RIOK3: variants seen among roughly 807,000 people sequenced by gnomAD.
RIOK3 encodes the protein RIO kinase 3.
A neutral mutation model predicts 63.5 loss-of-function variants in RIOK3; 40 were observed. The observed-to-expected ratio is 0.63, with a 90% confidence interval of 0.49 to 0.82. The LOEUF is 0.82. Ranked by LOEUF, RIOK3 falls within the 40% of genes least tolerant of loss-of-function variation. The pLI, the probability that RIOK3 is intolerant of heterozygous loss-of-function variation, is 0.00. For missense variants in RIOK3, 557 were observed against 637.0 expected (o/e 0.87, Z 1.35); for synonymous variants, 193 against 205.0 (o/e 0.94, Z 0.50).
Position 23,464,512 on chromosome 18 carries a change from C to A in RIOK3, c.434-7C>A. 6.4e-7 allele frequency: 1 copy of A among 1,572,618 alleles called. No individual in the cohort carries two copies. Among genetic ancestry groups the A allele is most frequent in the Non-Finnish European group, 8.6e-7 (1 of 1,156,258 alleles). ...TTATATACCTGGCTTATTTCAATTGCCTTTAGCAAAACCGGTTCCCACTCC... is the reference window on the plus strand; with the variant it reads ...TTATATACCTGGCTTATTTCAATTGACTTTAGCAAAACCGGTTCCCACTCC... On this transcript the variant is annotated splice_region_variant and splice_polypyrimidine_tract_variant and intron_variant, in intron 4 of 12. Transcript: ENST00000339486.
chr18:23,461,941 T>G (rs2057374134), intron 1 of RIOK3, among the ~76,000 whole-genome samples: 1 of 151,158 alleles, frequency 6.6e-6, no homozygotes, highest in Non-Finnish European at 1.5e-5. Context: ...AATACAAAAA[T>G]TAGCTGGGCA....
rs1189672163 is a variant in RIOK3 at position 23,481,822 on chromosome 18, T to A, written c.*543T>A. 6.6e-6 allele frequency: 1 copy of A among 152,250 alleles called. No individual in the cohort carries two copies. Among genetic ancestry groups the A allele is most frequent in the African/African-American group, 2.4e-5 (1 of 41,452 alleles). The allele number at this position is 152,250 out of a possible 1,614,324, so 9.4% of individuals were successfully genotyped here. ...AATGGAAATTTGGTTTCAGAATGGC[T>A]GACAGAAATCGACATAAGTCATGTA... On this transcript the variant is annotated 3_prime_UTR_variant, in exon 13 of 13. Coordinates refer to ENST00000339486, the MANE Select transcript of RIOK3 (RefSeq NM_003831.5).
intron 11 of RIOK3, among the ~76,000 whole-genome samples, chr18:23,477,607 T>C (rs1199944532): frequency 6.7e-6 from 1 of 149,892 alleles, no homozygotes; most frequent in African/African-American, 2.5e-5. Flanking sequence ...CTACTAAAAA[T>C]GCAAAATTAG....
rs1447718169 is a variant in RIOK3 at position 23,464,551 on chromosome 18, A to G, written c.466A>G (p.Ile156Val). Residue 156 changes from isoleucine (I) to valine (V), a missense_variant, in exon 5 of 13, where the codon ATT becomes GTT. By Grantham distance (29) the Ile-to-Val change is conservative. Around this residue, in one of 3 missense-constraint regions of RIOK3, gnomAD observed 243 missense variants for 275.4 expected, o/e 0.88. Coordinates refer to ENST00000339486, the MANE Select transcript of RIOK3 (RefSeq NM_003831.5). Reference sequence around the variant, plus strand: ...GGTTCCCACTCCTAAAAAGGGCTTTATTGGAAAAGGAAAAGATATCACCAC... The same window carrying G: ...GGTTCCCACTCCTAAAAAGGGCTTTGTTGGAAAAGGAAAAGATATCACCAC... ...KPVPTPKKGF[I>V]GKGKDITTKH... 2 of 1,607,168 alleles carry G rather than the reference A, an allele frequency of 1.2e-6. No homozygotes were observed. Among genetic ancestry groups the G allele is most frequent in the Non-Finnish European group, 1.7e-6 (2 of 1,178,194 alleles).
At chr18:23,471,999 A>C (rs1346596872) in intron 7 of RIOK3, among the ~76,000 whole-genome samples, 1 of 152,060 alleles carries the variant, frequency 6.6e-6, no homozygotes, top group Non-Finnish European at 1.5e-5. Context: ...TTTGGAGGCC[A>C]AGATGGGTGG....
In RIOK3 at chr18:23,468,105, T is replaced by C. The variant is rs549206084; in HGVS notation, c.815+579T>C. ...CCTCATCTTTATCAGTGTTTAGTATTATCAAATCTAATGCTTTTTGTCAGT... is the reference window on the plus strand; with the variant it reads ...CCTCATCTTTATCAGTGTTTAGTATCATCAAATCTAATGCTTTTTGTCAGT... On this transcript the variant is annotated intron_variant, in intron 7 of 12. Coordinates refer to ENST00000339486, the MANE Select transcript of RIOK3 (RefSeq NM_003831.5). Among the ~76,000 whole-genome samples the C allele has an allele frequency of 2.6e-5, 4 of 152,050 alleles. No individual in the cohort carries two copies. In the East Asian group the frequency reaches 7.8e-4, roughly 30 times the overall value.
At chr18:23,464,361 A>G (rs368971791) in intron 4 of RIOK3, 48 bp downstream of exon 4, 1 of 1,343,716 alleles carries the variant, frequency 7.4e-7, no homozygotes, top group Non-Finnish European at 1.0e-6. Context: ...AGGTATAGGA[A>G]GACTAATCTT....
At chr18:23,477,341 A>G (rs2057498631) in intron 11 of RIOK3, 73 bp downstream of exon 11, 2 of 1,099,960 alleles carry the variant, frequency 1.8e-6, no homozygotes, top group Admixed American at 1.7e-5. Flanking sequence ...CTCCTAAGAT[A>G]AGTAAGAGGA....
chr18:23,464,519 C>T lies in RIOK3; in HGVS notation c.434C>T (p.Ala145Val), dbSNP rs750042177. ...QDTRDDPYRPAKPVPTPKKGF... is the reference protein window; with the variant it reads ...QDTRDDPYRPVKPVPTPKKGF... ...CCTGGCTTATTTCAATTGCCTTTAG[C>T]AAAACCGGTTCCCACTCCTAAAAAG... The change falls in exon 5 of 13, where the codon GCA (alanine) becomes GTA (valine). Residue 145 changes from alanine to valine, a missense_variant and splice_region_variant. By Grantham distance (64) the Ala-to-Val change is moderately conservative. Coordinates refer to ENST00000339486, the MANE Select transcript of RIOK3 (RefSeq NM_003831.5). The T allele has an allele frequency of 2.5e-6, 4 of 1,589,628 alleles. No homozygotes were observed. The African/African-American group carries it at 5.4e-5, about 22-fold the overall frequency.
chr18:23,467,314 C>CAAA, intron 6 of RIOK3, 85 bp from the exon 7 acceptor site: 4 of 1,083,122 alleles, frequency 3.7e-6, no homozygotes, highest in Non-Finnish European at 5.1e-6. Context: ...GACTCCGTCT[C>CAAA]AAAAAAAAAA....
Position 23,467,333 on chromosome 18 carries a change from G to A in RIOK3, c.688-66G>A. 3.3e-6 allele frequency: 5 copies of A among 1,501,696 alleles called. No homozygotes were observed. The South Asian group carries it at 6.2e-5, about 19-fold the overall frequency. The allele number at this position is 1,501,696 out of a possible 1,614,324, so 93.0% of individuals were successfully genotyped here. On this transcript the variant is annotated intron_variant, in intron 6 of 12. Coordinates refer to ENST00000339486, the MANE Select transcript of RIOK3 (RefSeq NM_003831.5). Reference sequence around the variant, plus strand: ...CCGTCTCAAAAAAAAAAAGTTATTAGAAGTGGCTCAGAAAATATTTTGTGA... The same window carrying A: ...CCGTCTCAAAAAAAAAAAGTTATTAAAAGTGGCTCAGAAAATATTTTGTGA...
At position 23,462,433 on chromosome 18, in the gene RIOK3, G is replaced by A. The variant is rs367587253; in HGVS notation, c.64-531G>A. ...TAGGATTACAGGCGCGCGCCACCGC[G>A]CCTGGCCTGTTCTTGTTTTTGTTTT... On this transcript the variant is annotated intron_variant, in intron 1 of 12. Coordinates refer to ENST00000339486, the MANE Select transcript of RIOK3 (RefSeq NM_003831.5). Among the ~76,000 whole-genome samples, 3 of 152,306 alleles carry A rather than the reference G, an allele frequency of 2.0e-5. No homozygotes were observed. In the South Asian group the frequency reaches 6.2e-4, roughly 32 times the overall value.
intron 1 of RIOK3, among the ~76,000 whole-genome samples, chr18:23,453,851 G>A (rs1461686097): frequency 6.6e-6 from 1 of 152,254 alleles, no homozygotes; most frequent in Non-Finnish European, 1.5e-5. Context: ...CTGGCCAAGT[G>A]AGTCAGCCGA....
chr18:23,464,376 A>G, intron 4 of RIOK3, 63 bp downstream of exon 4: 5 of 1,270,582 alleles, frequency 3.9e-6, no homozygotes, highest in Non-Finnish European at 5.6e-6. Context: ...AATCTTTTCA[A>G]TGAACTCTTT....
At chr18:23,461,564 C>G (rs1212829152) in intron 1 of RIOK3, among the ~76,000 whole-genome samples, 2 of 152,178 alleles carry the variant, frequency 1.3e-5, no homozygotes, top group East Asian at 3.8e-4. Flanking sequence ...AGGCATCTTA[C>G]TAAATAGTAA....
chr18:23,470,765 A>G (rs1489806520), intron 7 of RIOK3, among the ~76,000 whole-genome samples: 1 of 152,214 alleles, frequency 6.6e-6, no homozygotes, highest in Non-Finnish European at 1.5e-5. Context: ...GGGATGTGTC[A>G]TTTGCTGAGA....
intron 11 of RIOK3, among the ~76,000 whole-genome samples, chr18:23,478,289 C>CTGGGCATGGTGATTCACGCTT: frequency 6.6e-6 from 1 of 152,132 alleles, no homozygotes; most frequent in Middle Eastern, 3.4e-3. Context: ...GATTAGGTGG[C>CTGGGCATGGTGATTCACGCTT]TGGGCATGGT....
chr18:23,459,836 T>C (rs1313831588), intron 1 of RIOK3, among the ~76,000 whole-genome samples: 1 of 152,140 alleles, frequency 6.6e-6, no homozygotes. Context: ...ATGCCTGTAG[T>C]GTAAATTAGT....
intron 1 of RIOK3, among the ~76,000 whole-genome samples, chr18:23,454,721 AT>A (rs11284189): frequency 0.016 from 2,367 of 152,290 alleles, 65 homozygotes; most frequent in African/African-American, 0.054. Context: ...TAACAGTCAT[AT>A]TTTTATTTAA....
Sources: allele counts gnomAD v4.1 joint callset (sites outside exome capture counted in the v4.1 genomes callset), GRCh38; gene constraint gnomAD v4.1.1; regional missense constraint gnomAD v4.1.1; transcripts MANE v1.5; gene names NCBI Gene and HGNC (gene_info 2026-07-23, HGNC 2026-07-21).